Variants in PCM1 observed in about 807,000 individuals in gnomAD.
The protein encoded by PCM1 is pericentriolar material 1 protein.
In PCM1, 157 loss-of-function variants were observed where a neutral mutation model predicts 241.9. The ratio of observed to expected loss-of-function variants is 0.65; its 90% CI spans 0.57 to 0.74. The LOEUF is 0.74. Among genes scored for constraint, PCM1 ranks in the 30% least tolerant of loss-of-function variants. PCM1 has a pLI of 0.00. For missense variants in PCM1, 3,478 were observed against 2,360.1 expected (o/e 1.47, Z -9.81); for synonymous variants, 1,085 against 784.9 (o/e 1.38, Z -6.39).
chr8:18,013,985 A>G lies in PCM1; in HGVS notation c.5533A>G (p.Lys1845Glu). 2.5e-6 allele frequency: 4 copies of G among 1,604,160 alleles called. No individual in the cohort carries two copies. Among genetic ancestry groups the G allele is most frequent in the South Asian group, 1.1e-5 (1 of 88,526 alleles). The change falls in exon 35 of 39, where the codon AAG becomes GAG. Residue 1845 changes from lysine (K) to glutamate (E), a missense_variant. Coordinates refer to ENST00000325083, the MANE Select transcript of PCM1 (RefSeq NM_006197.4). ...DEQVLQRDFK[K>E]TAESKNVPLE... ...CTAGGTCCTACAACGTGACTTTAAA[A>G]AGACAGCAGAAAGCAAAAATGTCCC...
chr8:18,006,046 T>G, intron 29 of PCM1: 1 of 426,126 alleles, frequency 2.3e-6, no homozygotes, highest in Non-Finnish European at 4.2e-6. Flanking sequence ...GGCCATCATC[T>G]GCTTTCGTGG....
intron 26 of PCM1, among the ~76,000 whole-genome samples, chr8:17,986,599 C>T (rs2082686841): frequency 6.6e-6 from 1 of 151,316 alleles, no homozygotes; most frequent in African/African-American, 2.4e-5. Context: ...GAGAAGAGTG[C>T]TAAGGAGAAT....
Position 17,957,427 on chromosome 8 carries a change from A to C in PCM1, c.1804+6A>C. ...AAACATGCCTCCTTCTTTAGGTATG[A>C]CTGACTGTATTTACATATAATTTTG... On this transcript the variant is annotated splice_donor_region_variant and intron_variant, in intron 12 of 38. Coordinates refer to ENST00000325083, the MANE Select transcript of PCM1 (RefSeq NM_006197.4). The C allele has an allele frequency of 3.1e-6, 5 of 1,611,308 alleles. No individual in the cohort carries two copies. Among genetic ancestry groups the C allele is most frequent in the Non-Finnish European group, 4.2e-6 (5 of 1,177,936 alleles).
At chr8:18,023,949 C>T (rs1415448536) in intron 36 of PCM1, among the ~76,000 whole-genome samples, 1 of 152,320 alleles carries the variant, frequency 6.6e-6, no homozygotes. Flanking sequence ...AATGCTACTC[C>T]ATTTGGCCAC....
At chr8:17,931,485 C>T (rs1007645992) in intron 2 of PCM1, among the ~76,000 whole-genome samples, 5 of 152,004 alleles carry the variant, frequency 3.3e-5, no homozygotes, top group Admixed American at 1.3e-4. Flanking sequence ...GATAGGATTT[C>T]GTTATGTTGG....
chr8:18,025,261 GA>G (rs879668098), intron 36 of PCM1, 99 bp from the exon 37 acceptor site: 1 of 605,526 alleles, frequency 1.7e-6, no homozygotes, highest in African/African-American at 2.0e-5. Flanking sequence ...AGAAGAAAAC[GA>G]AATGTGATAG....
Position 17,969,600 on chromosome 8 carries a change from C to T in PCM1, c.3436C>T (p.Pro1146Ser), listed in dbSNP as rs1371400509. 5.0e-6 allele frequency: 8 copies of T among 1,608,372 alleles called. No homozygotes were observed. The highest frequency in any genetic ancestry group is 5.9e-6 in the Non-Finnish European group (7 of 1,177,270). Residue 1146 changes from proline (P) to serine (S), a missense_variant, in exon 22 of 39, where the codon CCT becomes TCT. Coordinates refer to ENST00000325083, the MANE Select transcript of PCM1 (RefSeq NM_006197.4). The part of the protein sequence containing the change: ...APGMNFSPLF[P>S]SNFGDFSQNI... Reference sequence around the variant, plus strand: ...AGGTATGAATTTCAGCCCTTTATTTCCTTCTAATTTTGGAGATTTTTCTCA... The same window carrying T: ...AGGTATGAATTTCAGCCCTTTATTTTCTTCTAATTTTGGAGATTTTTCTCA...
At chr8:17,959,798 TAAG>T (rs1337695104) in intron 13 of PCM1, among the ~76,000 whole-genome samples, 1 of 152,182 alleles carries the variant, frequency 6.6e-6, no homozygotes, top group East Asian at 1.9e-4. Flanking sequence ...TTCCCAATTA[TAAG>T]AAGAGTTATT....
intron 28 of PCM1, among the ~76,000 whole-genome samples, chr8:17,992,048 G>T (rs183034875): frequency 2.4e-4 from 37 of 152,172 alleles, no homozygotes; most frequent in Admixed American, 2.0e-3. Flanking sequence ...CCTTTTTATG[G>T]CTAAGTAGTA....
At chr8:17,943,143 A>T (rs1586189780) in intron 6 of PCM1, among the ~76,000 whole-genome samples, 1 of 150,264 alleles carries the variant, frequency 6.7e-6, no homozygotes, top group African/African-American at 2.4e-5. Context: ...CTAGGACTAC[A>T]CTTTCCCATT....
intron 36 of PCM1, among the ~76,000 whole-genome samples, chr8:18,021,386 C>A (rs542428976): frequency 5.5e-4 from 84 of 152,308 alleles, no homozygotes; most frequent in African/African-American, 1.7e-3. Flanking sequence ...ACCTGCTAGA[C>A]CATATGTAGG....
intron 21 of PCM1, among the ~76,000 whole-genome samples, chr8:17,967,867 G>T (rs1451413854): frequency 1.3e-5 from 2 of 152,046 alleles, no homozygotes; most frequent in East Asian, 1.9e-4. Context: ...TCTTTGGATG[G>T]TTTTTTCTGC....
chr8:18,016,374 G>A (rs951211393), intron 36 of PCM1, among the ~76,000 whole-genome samples: 1 of 152,136 alleles, frequency 6.6e-6, no homozygotes, highest in East Asian at 1.9e-4. Context: ...TAGAAATTAG[G>A]AACATGAAAC....
chr8:17,979,319 G>A (rs888278445), intron 23 of PCM1, among the ~76,000 whole-genome samples: 1 of 152,046 alleles, frequency 6.6e-6, no homozygotes, highest in Non-Finnish European at 1.5e-5. Context: ...GAATTATAAT[G>A]GTAGTAAATA....
At position 17,993,557 on chromosome 8, in the gene PCM1, G is replaced by C. The variant is rs1362671819; in HGVS notation, c.4765G>C (p.Asp1589His). The part of the protein sequence containing the change: ...EVSTIPCPRI[D>H]TQQLDRQIKA... Reference sequence around the variant, plus strand: ...TTCTACCATCCCATGTCCTAGAATTGATACTCAGCAGCTGGACCGGCAAAT... The same window carrying C: ...TTCTACCATCCCATGTCCTAGAATTCATACTCAGCAGCTGGACCGGCAAAT... The change falls in exon 29 of 39, where the codon GAT becomes CAT. Residue 1589 changes from aspartate (D) to histidine (H), a missense_variant. Coordinates refer to ENST00000325083, the MANE Select transcript of PCM1 (RefSeq NM_006197.4). 11 of 1,597,788 alleles carry C rather than the reference G, an allele frequency of 6.9e-6. No homozygotes were observed. Among genetic ancestry groups the C allele is most frequent in the African/African-American group, 1.3e-5 (1 of 74,612 alleles).
At chr8:18,025,265 T>C in intron 36 of PCM1, 96 bp from the exon 37 acceptor site, 7 of 643,596 alleles carry the variant, frequency 1.1e-5, no homozygotes, top group South Asian at 7.3e-5. Context: ...GAAAACGAAA[T>C]GTGATAGAAT....
chr8:17,980,771 G>A lies in PCM1; in HGVS notation c.4108+16G>A, dbSNP rs772721104. 8 of 1,582,728 alleles carry A rather than the reference G, an allele frequency of 5.1e-6. No homozygotes were observed. In the East Asian group the frequency reaches 1.8e-4, roughly 35 times the overall value. On this transcript the variant is annotated intron_variant, in intron 24 of 38. Transcript: ENST00000325083. Reference sequence around the variant, plus strand: ...ATATCTTCAGGTATGTTCTTTTTTGGTTTGCATTAATATAAGGAGGTTTTC... The same window carrying A: ...ATATCTTCAGGTATGTTCTTTTTTGATTTGCATTAATATAAGGAGGTTTTC...
In PCM1 at chr8:18,028,560, G is replaced by A. The variant is rs1433757011; in HGVS notation, c.*898G>A. 1 of 204,646 alleles carries A rather than the reference G, an allele frequency of 4.9e-6. No homozygotes were observed. The highest frequency in any genetic ancestry group is 1.0e-5 in the Non-Finnish European group (1 of 100,022). 12.7% of individuals were successfully genotyped at this position (204,646 alleles called of 1,614,324 possible). On this transcript the variant is annotated 3_prime_UTR_variant, in exon 39 of 39. Coordinates refer to ENST00000325083, the MANE Select transcript of PCM1 (RefSeq NM_006197.4). ...TTGCCTATTGAGATGGTAATTTAAA[G>A]CCAAAGCATAGCAGTTTCTTTTGTG...
intron 3 of PCM1, among the ~76,000 whole-genome samples, 176 bp from the exon 4 acceptor site, chr8:17,936,958 A>T (rs1043644371): frequency 6.6e-6 from 1 of 152,204 alleles, no homozygotes; most frequent in African/African-American, 2.4e-5. Flanking sequence ...ATTAAGGTAG[A>T]TGTAATGAGG....
Sources: allele counts gnomAD v4.1 joint callset (sites outside exome capture counted in the v4.1 genomes callset), GRCh38; gene constraint gnomAD v4.1.1; transcripts MANE v1.5; gene names NCBI Gene and HGNC (gene_info 2026-07-23, HGNC 2026-07-21).